Variants in DPP6 observed in about 807,000 individuals in gnomAD.
The protein encoded by DPP6 is dipeptidyl peptidase like 6, also known as A-type potassium channel modulatory protein DPP6.
In DPP6, 69 loss-of-function variants were observed where a neutral mutation model predicts 122.6. The ratio of observed to expected loss-of-function variants is 0.56; its 90% CI spans 0.46 to 0.69. DPP6 has a LOEUF of 0.69. DPP6 is among the 30% of genes least tolerant of loss of function. The pLI is 0.00. For synonymous variants in DPP6, 418 were observed against 433.1 expected (o/e 0.97, Z 0.43); for missense variants, 928 against 1,116.9 (o/e 0.83, Z 2.41).
At chr7:154,326,821 G>T (rs1198248207) in intron 1 of DPP6, among the ~76,000 whole-genome samples, 1 of 152,196 alleles carries the variant, frequency 6.6e-6, no homozygotes, top group Non-Finnish European at 1.5e-5. Context: ...TTTCCTCGGG[G>T]CCTGGAAGGA....
chr7:154,479,570 A>AAAAAAAAAAAAAG (rs572938567), intron 3 of DPP6, among the ~76,000 whole-genome samples: 7 of 101,546 alleles, frequency 6.9e-5, no homozygotes, highest in African/African-American at 9.7e-5. Context: ...AAAAAAAAAA[A>AAAAAAAAAAAAAG]AAAAGAAAAG....
intron 5 of DPP6, among the ~76,000 whole-genome samples, chr7:154,593,782 AAG>A (rs1832938825): frequency 6.6e-6 from 1 of 152,198 alleles, no homozygotes. Flanking sequence ...CTCAAACAGA[AAG>A]AGAGTAAACC....
At chr7:154,126,415 A>G (rs866998920) in intron 1 of DPP6, among the ~76,000 whole-genome samples, 47 of 152,034 alleles carry the variant, frequency 3.1e-4, no homozygotes, top group South Asian at 1.2e-3. Context: ...ATTCACGTCC[A>G]GACAGGGAAA....
intron 1 of DPP6, among the ~76,000 whole-genome samples, chr7:154,162,625 C>T (rs186880255): frequency 4.6e-5 from 7 of 151,998 alleles, no homozygotes; most frequent in East Asian, 2.0e-4. Flanking sequence ...TGGAACTCAA[C>T]ACCTGGAATC....
At chr7:154,613,409 C>T (rs546558515) in intron 5 of DPP6, among the ~76,000 whole-genome samples, 3 of 151,904 alleles carry the variant, frequency 2.0e-5, no homozygotes, top group Non-Finnish European at 2.9e-5. Context: ...CACCTGAGGT[C>T]GGGAGTTTGA....
rs551613783 is a variant in DPP6 at position 153,977,570 on chromosome 7, T to A, written c.51+89836T>A. Among the ~76,000 whole-genome samples the A allele has an allele frequency of 4.6e-5, 7 of 152,326 alleles. No individual in the cohort carries two copies. The South Asian group carries it at 1.0e-3, about 23-fold the overall frequency. ...CTTTTTGTCCTGATTTTACTTTTTT[T>A]ATTATACTTTAAGTTCTGGGATACA... is the stretch of plus-strand genomic sequence containing the variant. On this transcript the variant is annotated intron_variant, in intron 1 of 25. Coordinates refer to the DPP6 transcript ENST00000404039.
At chr7:154,697,877 G>T (rs1186895050) in intron 7 of DPP6, among the ~76,000 whole-genome samples, 1 of 152,166 alleles carries the variant, frequency 6.6e-6, no homozygotes, top group Non-Finnish European at 1.5e-5. Flanking sequence ...CCCGTAACTT[G>T]TGATATCCCA....
chr7:154,259,226 T>A (rs1643253702), intron 1 of DPP6, among the ~76,000 whole-genome samples: 1 of 152,228 alleles, frequency 6.6e-6, no homozygotes, highest in African/African-American at 2.4e-5. Context: ...GAACAGGAAA[T>A]TAACCTGATG....
At chr7:153,925,452 G>A (rs775368131) in intron 1 of DPP6, among the ~76,000 whole-genome samples, 21 of 151,014 alleles carry the variant, frequency 1.4e-4, no homozygotes, top group Admixed American at 1.2e-3. Context: ...GAAGGTCCCC[G>A]AGGTTCTGAT....
intron 1 of DPP6, among the ~76,000 whole-genome samples, chr7:154,224,975 C>G (rs1440045117): frequency 1.3e-5 from 2 of 152,060 alleles, no homozygotes; most frequent in Non-Finnish European, 2.9e-5. Flanking sequence ...AACCCCGTCT[C>G]TACTGAAAAT....
At chr7:154,789,221 G>T (rs780638485) in intron 10 of DPP6, among the ~76,000 whole-genome samples, 1 of 152,182 alleles carries the variant, frequency 6.6e-6, no homozygotes, top group African/African-American at 2.4e-5. Context: ...GGCATGGATC[G>T]TCTGGGCTGA....
intron 10 of DPP6, among the ~76,000 whole-genome samples, chr7:154,791,071 G>A (rs943361119): frequency 6.6e-6 from 1 of 152,042 alleles, no homozygotes; most frequent in Non-Finnish European, 1.5e-5. Flanking sequence ...GGCCAACATG[G>A]TGAAACCCCA....
chr7:154,802,202 T>A (rs996783917), intron 13 of DPP6, among the ~76,000 whole-genome samples: 3 of 152,130 alleles, frequency 2.0e-5, no homozygotes, highest in Non-Finnish European at 4.4e-5. Context: ...GGTAAATGAA[T>A]GAAATTTGAT....
intron 1 of DPP6, among the ~76,000 whole-genome samples, chr7:153,984,041 C>T (rs1303705681): frequency 6.8e-6 from 1 of 146,188 alleles, no homozygotes; most frequent in African/African-American, 2.6e-5. Flanking sequence ...TTCTAACAAC[C>T]ATTCTGTCCA....
Position 154,340,029 on chromosome 7 carries a change from C to T in DPP6, c.244-106185C>T, listed in dbSNP as rs149407063. On this transcript the variant is annotated intron_variant, in intron 1 of 25. Transcript: ENST00000377770. ...CAGAGTTTGCAGTGAGCCAAGATTG[C>T]GCCACTGCACTCCAGCCTGGGTGAC... Among the ~76,000 whole-genome samples, 132 of 152,058 alleles carry T rather than the reference C, an allele frequency of 8.7e-4. 3 individuals are homozygous for T. The East Asian group carries it at 0.018, about 21-fold the overall frequency.
At chr7:154,182,327 C>G (rs4457246) in intron 1 of DPP6, among the ~76,000 whole-genome samples, 62,927 of 151,990 alleles carry the variant, frequency 0.41, 15,088 homozygotes, top group African/African-American at 0.68. Flanking sequence ...CAAGAAGAAG[C>G]GTTTATTTCT....
chr7:154,794,494 C>G lies in DPP6; in HGVS notation c.1260+292C>G, dbSNP rs2280658. Among the ~76,000 whole-genome samples the G allele has an allele frequency of 0.33, 50,356 of 152,118 alleles. 8,837 individuals carry two copies. Among genetic ancestry groups the G allele is most frequent in the East Asian group, 0.55 (2,838 of 5,136 alleles). ...TCACTGAGTGTTGCTTCCCTTTATC[C>G]GCGCTCACCGCTGTGACCTAAGTGA... On this transcript the variant is annotated intron_variant, in intron 11 of 25. Transcript: ENST00000377770.
intron 3 of DPP6, among the ~76,000 whole-genome samples, chr7:154,525,563 A>C (rs1212795989): frequency 6.6e-6 from 1 of 152,254 alleles, no homozygotes; most frequent in Non-Finnish European, 1.5e-5. Flanking sequence ...GATGTCTGAG[A>C]GCACAATGCT....
At chr7:154,175,640 G>T (rs769197090) in intron 1 of DPP6, among the ~76,000 whole-genome samples, 7 of 151,810 alleles carry the variant, frequency 4.6e-5, no homozygotes, top group African/African-American at 1.7e-4. Context: ...TGTTTTGGCC[G>T]CAACAGAGCA....
Sources: gnomAD v4.1 joint callset for allele counts (sites outside exome capture counted in the v4.1 genomes callset) on GRCh38, gnomAD v4.1.1 for gene constraint, MANE v1.5 for transcripts, NCBI Gene and HGNC (gene_info 2026-07-23, HGNC 2026-07-21) for gene names.